PTPRK: variants seen among roughly 807,000 people sequenced by gnomAD.
PTPRK encodes protein tyrosine phosphatase receptor type K, also known as receptor-type tyrosine-protein phosphatase kappa.
A neutral mutation model predicts 178.0 loss-of-function variants in PTPRK; 75 were observed. The observed-to-expected ratio is 0.42, with a 90% confidence interval of 0.35 to 0.51. PTPRK has a LOEUF of 0.51. PTPRK is among the 20% of genes least tolerant of loss of function. The pLI is 0.02. For synonymous variants in PTPRK, 637 were observed against 620.6 expected, an observed-to-expected ratio of 1.03 and a Z score of -0.39; for missense variants, 1,441 against 1,797.8, an observed-to-expected ratio of 0.80 and a Z score of 3.59.
At chr6:128,262,966 A>G (rs563330347) in intron 3 of PTPRK, among the ~76,000 whole-genome samples, 11 of 151,900 alleles carry the variant, frequency 7.2e-5, no homozygotes, top group Non-Finnish European at 1.5e-4. Flanking sequence ...CACGTCTACC[A>G]TAGTCTTTCA....
chr6:128,136,947 A>G (rs932154223), intron 7 of PTPRK, among the ~76,000 whole-genome samples: 19 of 152,284 alleles, frequency 1.2e-4, no homozygotes, highest in African/African-American at 4.1e-4. Context: ...ATTGTTCTCC[A>G]ATAGCCCAGT....
intron 3 of PTPRK, among the ~76,000 whole-genome samples, chr6:128,297,752 A>C (rs1824748441): frequency 6.6e-6 from 1 of 152,202 alleles, no homozygotes; most frequent in Non-Finnish European, 1.5e-5. Context: ...TTATAGCACT[A>C]AATGCCCACA....
chr6:128,334,763 C>T (rs1343636388), intron 2 of PTPRK, among the ~76,000 whole-genome samples: 1 of 152,096 alleles, frequency 6.6e-6, no homozygotes, highest in African/African-American at 2.4e-5. Context: ...ATATAATCTC[C>T]CCCATCACCC....
intron 1 of PTPRK, among the ~76,000 whole-genome samples, chr6:128,483,062 C>G (rs1255182795): frequency 3.3e-5 from 5 of 152,096 alleles, no homozygotes; most frequent in African/African-American, 1.2e-4. Context: ...AATATTTAGA[C>G]AGAAGCCCTC....
At chr6:128,343,509 AAAAAAAGAAAAG>A (rs1831971373) in intron 2 of PTPRK, among the ~76,000 whole-genome samples, 1 of 151,710 alleles carries the variant, frequency 6.6e-6, no homozygotes, top group African/African-American at 2.4e-5. Context: ...TCAAAAAAAA[AAAAAAAGAAAAG>A]AAAAAAGAAT....
intron 7 of PTPRK, among the ~76,000 whole-genome samples, chr6:128,170,453 G>A (rs1390986724): frequency 6.6e-6 from 1 of 151,890 alleles, no homozygotes; most frequent in Admixed American, 6.6e-5. Flanking sequence ...ATCTTATTTG[G>A]GGGGTTAAAG....
intron 3 of PTPRK, among the ~76,000 whole-genome samples, chr6:128,292,507 T>G (rs922549017): frequency 6.6e-6 from 1 of 152,126 alleles, no homozygotes; most frequent in Non-Finnish European, 1.5e-5. Context: ...TTGGAAATAC[T>G]GGTTTCTATT....
In PTPRK at chr6:128,427,221, A is replaced by G. The variant is rs192642475; in HGVS notation, c.101-29533T>C. ...TCTCTTAACCCTCACAATTCTTTAA[A>G]GAAAGCACTATTATTGACTCCACAA... On this transcript the variant is annotated intron_variant, in intron 1 of 29. Transcript: ENST00000368226. Among the ~76,000 whole-genome samples the G allele has an allele frequency of 4.3e-3, 649 of 152,324 alleles. 2 individuals are homozygous for G. The highest frequency in any genetic ancestry group is 0.015 in the African/African-American group (609 of 41,572).
chr6:128,205,706 G>A (rs1052337024), intron 6 of PTPRK, among the ~76,000 whole-genome samples: 1 of 145,968 alleles, frequency 6.9e-6, no homozygotes, highest in African/African-American at 2.6e-5. Context: ...GGGAGGCAGA[G>A]GTTCTAGTGA....
intron 2 of PTPRK, among the ~76,000 whole-genome samples, chr6:128,373,526 T>C (rs1836595377): frequency 6.6e-6 from 1 of 151,706 alleles, no homozygotes; most frequent in Admixed American, 6.6e-5. Flanking sequence ...ATAAAGAATG[T>C]CTGGTTTTTC....
At chr6:128,498,815 G>A (rs979557927) in intron 1 of PTPRK, among the ~76,000 whole-genome samples, 9 of 152,132 alleles carry the variant, frequency 5.9e-5, no homozygotes, top group South Asian at 4.1e-4. Context: ...GACAGGCAGC[G>A]GACAGCTACT....
chr6:128,466,266 T>C (rs958887192), intron 1 of PTPRK, among the ~76,000 whole-genome samples: 19 of 152,260 alleles, frequency 1.2e-4, no homozygotes, highest in South Asian at 8.3e-4. Context: ...AGAAATCTAA[T>C]AGAAGAAAAA....
At chr6:127,992,580 A>G (rs1040853392) in intron 19 of PTPRK, 93 bp downstream of exon 19, 35 of 1,058,374 alleles carry the variant, frequency 3.3e-5, no homozygotes, top group Non-Finnish European at 4.7e-5. Context: ...TTTTTTTGTT[A>G]CTAAGATAAA....
intron 2 of PTPRK, among the ~76,000 whole-genome samples, chr6:128,343,107 G>C (rs1831901404): frequency 6.6e-6 from 1 of 152,078 alleles, no homozygotes; most frequent in Admixed American, 6.6e-5. Context: ...ATTTCTTTTA[G>C]AATCAAGAAT....
At chr6:128,208,682 A>C (rs1165881785) in intron 6 of PTPRK, among the ~76,000 whole-genome samples, 3 of 152,152 alleles carry the variant, frequency 2.0e-5, no homozygotes, top group Non-Finnish European at 2.9e-5. Context: ...CAACATGAAA[A>C]ATTCCAATAA....
intron 14 of PTPRK, among the ~76,000 whole-genome samples, chr6:128,006,436 ATAGAT>A (rs1305541828): frequency 6.6e-6 from 1 of 151,014 alleles, no homozygotes; most frequent in Non-Finnish European, 1.5e-5. Flanking sequence ...TGTGTACTAT[ATAGAT>A]TATTTTTCTT....
chr6:127,981,597 T>G lies in PTPRK; in HGVS notation c.3538-308A>C, dbSNP rs182441125. ...AATGCAATCGGGCAGTCCATTATGA[T>G]AATGACCCTTCATCACACTGGGAAA... On this transcript the variant is annotated intron_variant, in intron 24 of 29. Transcript: ENST00000368226. 2.0e-3 allele frequency among the ~76,000 whole-genome samples: 304 copies of G among 152,262 alleles called. 1 individual carries two copies. The highest frequency in any genetic ancestry group is 6.9e-3 in the African/African-American group (287 of 41,566).
intron 14 of PTPRK, chr6:128,008,088 C>T (rs1365798647): frequency 1.5e-6 from 2 of 1,342,144 alleles, no homozygotes; most frequent in African/African-American, 1.5e-5. Flanking sequence ...ACATATATAT[C>T]TCCAGGGGAT....
At chr6:128,325,212 G>C (rs1829383039) in intron 2 of PTPRK, among the ~76,000 whole-genome samples, 2 of 151,958 alleles carry the variant, frequency 1.3e-5, no homozygotes, top group Non-Finnish European at 2.9e-5. Flanking sequence ...TATGCTTTTT[G>C]TTTGTTTTAA....
Sources: allele counts gnomAD v4.1 joint callset (sites outside exome capture counted in the v4.1 genomes callset), GRCh38; gene constraint gnomAD v4.1.1; transcripts MANE v1.5; gene names NCBI Gene and HGNC (gene_info 2026-07-23, HGNC 2026-07-21).